LAMA3: variants seen among roughly 807,000 people sequenced by gnomAD.
LAMA3 encodes the protein laminin subunit alpha 3, also known as laminin subunit alpha-3.
A neutral mutation model predicts 402.0 loss-of-function variants in LAMA3; 281 were observed. The observed-to-expected ratio is 0.70, with a 90% CI of 0.63 to 0.77. The LOEUF (loss-of-function observed/expected upper bound fraction) is 0.77. LAMA3 is among the 30% of genes least tolerant of loss of function. The pLI is 0.00. For synonymous variants in LAMA3, 1,431 were observed against 1,558.4 expected, an observed-to-expected ratio of 0.92 and a Z score of 1.93; for missense variants, 3,840 against 4,215.5, an observed-to-expected ratio of 0.91 and a Z score of 2.47.
intron 19 of LAMA3, among the ~76,000 whole-genome samples, chr18:23,821,187 A>C (rs1282901183): frequency 6.6e-6 from 1 of 152,206 alleles, no homozygotes; most frequent in East Asian, 1.9e-4. Context: ...TTTTCTGATA[A>C]AGTTATTTTG....
intron 1 of LAMA3, among the ~76,000 whole-genome samples, chr18:23,708,902 C>T (rs1431716820): frequency 6.7e-6 from 1 of 149,004 alleles, no homozygotes; most frequent in Non-Finnish European, 1.5e-5. Flanking sequence ...GGACTGCAAA[C>T]ACATACCACC....
chr18:23,903,828 C>T, intron 49 of LAMA3, 105 bp from the exon 50 acceptor site: 1 of 935,932 alleles, frequency 1.1e-6, no homozygotes, highest in Non-Finnish European at 1.7e-6. Flanking sequence ...AATATAACAT[C>T]TCATTGTTGC....
rs201243058 is a variant in LAMA3 at position 23,921,502 on chromosome 18, C to T, written c.8094C>T (p.Asp2698=). Residue 2698 remains aspartate, a synonymous_variant, in exon 62 of 75, where the codon GAC becomes GAT. Transcript: ENST00000313654. Reference sequence around the variant, plus strand: ...AAAAGCGTATGTGGATAAATGTGGACGTTCAAAACACTATAATTGATGGTG... The same window carrying T: ...AAAAGCGTATGTGGATAAATGTGGATGTTCAAAACACTATAATTGATGGTG... ...KLQKRMWINV[D]VQNTIIDGEV... is the part of the protein sequence containing the mutation. The T allele has an allele frequency of 2.3e-5, 37 of 1,613,446 alleles. No homozygotes were observed. Among genetic ancestry groups the T allele is most frequent in the African/African-American group, 2.1e-4 (16 of 75,010 alleles).
intron 2 of LAMA3, among the ~76,000 whole-genome samples, chr18:23,721,813 T>C (rs1471097333): frequency 6.6e-6 from 1 of 152,186 alleles, no homozygotes; most frequent in Admixed American, 6.5e-5. Context: ...TACTCTCAGC[T>C]TACCCTGTTT....
At chr18:23,767,798 C>T (rs1478909398) in intron 8 of LAMA3, among the ~76,000 whole-genome samples, 1 of 151,938 alleles carries the variant, frequency 6.6e-6, no homozygotes, top group African/African-American at 2.4e-5. Flanking sequence ...GTCTCAAACT[C>T]CTGACCTCAG....
At chr18:23,796,122 C>A in intron 12 of LAMA3, 1 of 429,688 alleles carries the variant, frequency 2.3e-6, no homozygotes, top group East Asian at 7.6e-5. Flanking sequence ...GCCTCCAGAA[C>A]TGGAGAAATA....
chr18:23,921,203 A>T, intron 61 of LAMA3, 149 bp downstream of exon 61: 1 of 994,296 alleles, frequency 1.0e-6, no homozygotes. Context: ...TAAAATTTGC[A>T]CATTTCGGCA....
At chr18:23,912,919 AAT>A in intron 56 of LAMA3, 38 bp downstream of exon 56, 1 of 1,588,574 alleles carries the variant, frequency 6.3e-7, no homozygotes, top group East Asian at 2.2e-5. Flanking sequence ...TTTTTGAAAC[AAT>A]GTTTTTCGAG....
chr18:23,954,459 C>A, intron 74 of LAMA3, 44 bp from the exon 75 acceptor site: 1 of 1,504,212 alleles, frequency 6.6e-7, no homozygotes, highest in African/African-American at 1.4e-5. Flanking sequence ...AGTCCCTGGA[C>A]AGTATGAATT....
At chr18:23,792,261 T>A (rs1320961238) in intron 12 of LAMA3, among the ~76,000 whole-genome samples, 1 of 152,174 alleles carries the variant, frequency 6.6e-6, no homozygotes, top group Non-Finnish European at 1.5e-5. Flanking sequence ...AGAAAAGACG[T>A]TTATTTAGTT....
intron 1 of LAMA3, among the ~76,000 whole-genome samples, chr18:23,708,637 A>G (rs1200311029): frequency 6.6e-6 from 1 of 152,320 alleles, no homozygotes; most frequent in African/African-American, 2.4e-5. Context: ...GCTACTCTAC[A>G]GAGATGCAAT....
At chr18:23,760,722 G>A (rs1459529207) in intron 7 of LAMA3, among the ~76,000 whole-genome samples, 1 of 152,150 alleles carries the variant, frequency 6.6e-6, no homozygotes, top group African/African-American at 2.4e-5. Flanking sequence ...TACCCCAACA[G>A]TGTCTTAGTC....
chr18:23,848,064 G>C (rs943819563), intron 32 of LAMA3, among the ~76,000 whole-genome samples: 1 of 152,244 alleles, frequency 6.6e-6, no homozygotes, highest in Non-Finnish European at 1.5e-5. Context: ...TTAGGTATGA[G>C]CTTCATACCC....
At chr18:23,936,614 G>C (rs937798056) in intron 67 of LAMA3, among the ~76,000 whole-genome samples, 1 of 152,176 alleles carries the variant, frequency 6.6e-6, no homozygotes, top group Non-Finnish European at 1.5e-5. Context: ...CTGAGAGGAA[G>C]TTGAGGGCGT....
At chr18:23,720,554 C>T (rs2061192381) in intron 2 of LAMA3, among the ~76,000 whole-genome samples, 1 of 152,014 alleles carries the variant, frequency 6.6e-6, no homozygotes, top group South Asian at 2.1e-4. Flanking sequence ...TGGGGTTTCA[C>T]CATGTTGATC....
intron 2 of LAMA3, among the ~76,000 whole-genome samples, chr18:23,733,123 G>A (rs1473270418): frequency 6.6e-6 from 1 of 152,116 alleles, no homozygotes; most frequent in African/African-American, 2.4e-5. Flanking sequence ...TAGGTTTCTA[G>A]TTCAGTGGGC....
intron 6 of LAMA3, among the ~76,000 whole-genome samples, chr18:23,757,808 C>G (rs1309517658): frequency 6.6e-6 from 1 of 152,228 alleles, no homozygotes; most frequent in East Asian, 1.9e-4. Flanking sequence ...GATGTACACC[C>G]TTTTGAAATG....
In LAMA3 at chr18:23,943,893, G is replaced by A. The variant is rs771963514; in HGVS notation, c.9132G>A (p.Leu3044=). ...FMALYLSKGR[L]VFALGTDGKK... is the part of the protein sequence containing the mutation. Reference sequence around the variant, plus strand: ...CTCTTTATCTTTCAAAAGGACGTCTGGTCTTTGCACTGGGGACAGATGGGA... The same window carrying A: ...CTCTTTATCTTTCAAAAGGACGTCTAGTCTTTGCACTGGGGACAGATGGGA... The change falls in exon 69 of 75, where the codon CTG becomes CTA. Residue 3044 remains leucine, a synonymous_variant. Transcript: ENST00000313654. 1 of 1,614,078 alleles carries A rather than the reference G, an allele frequency of 6.2e-7. No homozygotes were observed. Among genetic ancestry groups the A allele is most frequent in the Non-Finnish European group, 8.5e-7 (1 of 1,179,940 alleles).
At position 23,816,420 on chromosome 18, in the gene LAMA3, T is replaced by A; in HGVS notation, c.2080T>A (p.Ser694Thr). ...GTGTGACATTGGTGGGGCATTGTCC[T>A]CCATGTGCAGTGGGCCCTCGGGAGT... The part of the protein sequence containing the change: ...CQCDIGGALS[S>T]MCSGPSGVCQ... The change falls in exon 18 of 75, where the codon TCC (serine) becomes ACC (threonine). Residue 694 changes from serine (S) to threonine (T), a missense_variant. Ser to Thr is a moderately conservative substitution (Grantham distance 58). This residue lies in a region of LAMA3 where 2,109 missense variants were observed against 2,376.0 expected (regional missense o/e 0.89). Coordinates refer to ENST00000313654, the MANE Select transcript of LAMA3 (RefSeq NM_198129.4). The A allele has an allele frequency of 6.2e-7, 1 of 1,614,082 alleles. No individual in the cohort carries two copies. The highest frequency in any genetic ancestry group is 1.6e-4 in the Middle Eastern group (1 of 6,062).
Sources: gnomAD v4.1 joint callset for allele counts (sites outside exome capture counted in the v4.1 genomes callset) on GRCh38, gnomAD v4.1.1 for gene constraint, gnomAD v4.1.1 regional missense constraint, MANE v1.5 for transcripts, NCBI Gene and HGNC (gene_info 2026-07-23, HGNC 2026-07-21) for gene names.